SHANK2: variants seen among roughly 807,000 people sequenced by gnomAD.
SHANK2 encodes SH3 and multiple ankyrin repeat domains protein 2.
A neutral mutation model predicts 133.7 loss-of-function variants in SHANK2; 43 were observed. That is an observed-to-expected ratio of 0.32 (90% confidence interval 0.25 to 0.41). The LOEUF is 0.41. Ranked by LOEUF, SHANK2 falls within the 10% of genes least tolerant of loss-of-function variation. The pLI, the probability that SHANK2 is intolerant of heterozygous loss-of-function variation, is 1.00. For missense variants in SHANK2, 1,994 were observed against 2,235.8 expected, an observed-to-expected ratio of 0.89 and a Z score of 2.18; for synonymous variants, 1,017 against 952.8, an observed-to-expected ratio of 1.07 and a Z score of -1.24.
intron 10 of SHANK2, among the ~76,000 whole-genome samples, chr11:70,928,866 C>T (rs1950464621): frequency 6.6e-6 from 1 of 152,156 alleles, no homozygotes; most frequent in South Asian, 2.1e-4. Context: ...CAGGAAGATG[C>T]ACACACTGAA....
rs369511947 is a variant in SHANK2, at chr11:70,914,908, A to AG, written c.1108-18342_1108-18341insC. Among the ~76,000 whole-genome samples the AG allele has an allele frequency of 3.7e-3, 558 of 150,860 alleles. 4 individuals carry two copies. Among genetic ancestry groups the AG allele is most frequent in the African/African-American group, 0.013 (520 of 41,296 alleles). On this transcript the variant is annotated intron_variant, in intron 10 of 25. Transcript: ENST00000601538. ...GCGAGACTCTGTCTTAAAAAAAAAA[A>AG]AAAGAAAGAAAGAAAAAAAAAAGGA...
At chr11:70,595,293 G>C (rs1371303763) in intron 17 of SHANK2, among the ~76,000 whole-genome samples, 1 of 152,212 alleles carries the variant, frequency 6.6e-6, no homozygotes, top group Non-Finnish European at 1.5e-5. Context: ...CCCGGTGCCA[G>C]TGCCACCCTC....
chr11:70,692,885 G>A (rs1945319101), intron 15 of SHANK2, among the ~76,000 whole-genome samples: 1 of 152,178 alleles, frequency 6.6e-6, no homozygotes, highest in Non-Finnish European at 1.5e-5. Context: ...TTCTCTAAGG[G>A]AGAACAAAAA....
chr11:70,509,584 C>G (rs1247350690), intron 17 of SHANK2, among the ~76,000 whole-genome samples: 2 of 152,144 alleles, frequency 1.3e-5, no homozygotes, highest in African/African-American at 4.8e-5. Flanking sequence ...CTCACCCTGT[C>G]TTTCAGCTCT....
intron 15 of SHANK2, among the ~76,000 whole-genome samples, chr11:70,677,520 A>C (rs1555017480): frequency 6.6e-6 from 1 of 152,152 alleles, no homozygotes; most frequent in African/African-American, 2.4e-5. Context: ...ACCCTTGGCC[A>C]CAGCATGGGG....
chr11:70,846,613 C>G lies in SHANK2; in HGVS notation c.1175-25931G>C, dbSNP rs76164273. ...GGAAGCACAGGTCAACTGCTGGTGT[C>G]CCAAGCCCTGCTCTCAGCACTCCAC... On this transcript the variant is annotated intron_variant, in intron 11 of 25. Coordinates refer to ENST00000601538, the MANE Select transcript of SHANK2 (RefSeq NM_012309.5). Among the ~76,000 whole-genome samples, 1,162 of 152,258 alleles carry G rather than the reference C, an allele frequency of 7.6e-3. 15 individuals carry two copies. Among genetic ancestry groups the G allele is most frequent in the African/African-American group, 0.026 (1,100 of 41,530 alleles).
intron 17 of SHANK2, among the ~76,000 whole-genome samples, chr11:70,601,995 A>T: frequency 6.6e-6 from 1 of 152,230 alleles, no homozygotes; most frequent in East Asian, 1.9e-4. Flanking sequence ...CTAATTCCCA[A>T]TGTTGGAGGT....
chr11:71,119,578 C>CAA (rs55759811), intron 3 of SHANK2, among the ~76,000 whole-genome samples: 15,733 of 134,258 alleles, frequency 0.12, 983 homozygotes, highest in Middle Eastern at 0.17. Context: ...GACTCCATCT[C>CAA]AAAAAAAAAA....
At chr11:70,912,633 G>A (rs145724388) in intron 10 of SHANK2, among the ~76,000 whole-genome samples, 2 of 152,266 alleles carry the variant, frequency 1.3e-5, no homozygotes, top group Non-Finnish European at 2.9e-5. Context: ...GATGCATCGT[G>A]CACCACGATG....
chr11:70,599,885 AAGAAAAAGAAAGAAAGAAAG>A lies in SHANK2; in HGVS notation c.2061+59923_2061+59942del, dbSNP rs1279241193. ...ATAAAAAGAAAGAAAGAAAGAAAGA[AAGAAAAAGAAAGAAAGAAAG>A]AGAAAGAAAGAAAGAAAGAAAGAAA... On this transcript the variant is annotated intron_variant, in intron 17 of 25. Coordinates refer to ENST00000601538, the MANE Select transcript of SHANK2 (RefSeq NM_012309.5). Among the ~76,000 whole-genome samples the A allele has an allele frequency of 7.2e-4, 70 of 96,602 alleles. 3 individuals carry two copies. Among genetic ancestry groups the A allele is most frequent in the Non-Finnish European group, 1.0e-3 (51 of 49,046 alleles). The allele number at this position is 96,602 out of a possible 152,430, so 63.4% of individuals were successfully genotyped here. A position where few individuals can be genotyped will look rare whatever the true frequency, so the allele number is the denominator to read the frequency against.
intron 1 of SHANK2, among the ~76,000 whole-genome samples, chr11:71,248,090 G>A (rs1308440736): frequency 1.3e-5 from 2 of 152,212 alleles, no homozygotes; most frequent in Non-Finnish European, 2.9e-5. Context: ...CCTAAACCCA[G>A]GGCAGGCTCT....
chr11:70,686,201 T>C (rs1450350697), intron 15 of SHANK2, among the ~76,000 whole-genome samples: 28 of 113,946 alleles, frequency 2.5e-4, no homozygotes, highest in Non-Finnish European at 4.2e-4. Flanking sequence ...CACCCATCCA[T>C]CTATCCATCC....
At chr11:70,655,573 AT>A (rs1710330455) in intron 17 of SHANK2, among the ~76,000 whole-genome samples, 1 of 152,220 alleles carries the variant, frequency 6.6e-6, no homozygotes, top group African/African-American at 2.4e-5. Flanking sequence ...TTCTTGGGAC[AT>A]TTGTTGCAAA....
At chr11:70,587,850 G>A (rs2060274839) in intron 17 of SHANK2, among the ~76,000 whole-genome samples, 1 of 152,134 alleles carries the variant, frequency 6.6e-6, no homozygotes, top group East Asian at 1.9e-4. Context: ...GATTCTGGGT[G>A]TGAGCCACTG....
intron 10 of SHANK2, among the ~76,000 whole-genome samples, chr11:71,056,153 G>A (rs1950916495): frequency 6.6e-6 from 1 of 152,172 alleles, no homozygotes. Context: ...CTGGATGGAG[G>A]GGCGGCAGAG....
chr11:70,635,402 T>C (rs1794086), intron 17 of SHANK2: 84,633 of 152,044 alleles, frequency 0.56, 23,889 homozygotes, highest in Middle Eastern at 0.67. Context: ...GAGATTCTGA[T>C]GCATGCTACA....
At chr11:70,480,710 T>A (rs2058721620) in intron 25 of SHANK2, among the ~76,000 whole-genome samples, 4 of 152,250 alleles carry the variant, frequency 2.6e-5, no homozygotes, top group Admixed American at 2.6e-4. Flanking sequence ...TGCCCCATTC[T>A]GAGGGTCCAG....
intron 9 of SHANK2, among the ~76,000 whole-genome samples, chr11:71,070,683 T>C (rs1951131248): frequency 6.6e-6 from 1 of 152,258 alleles, no homozygotes; most frequent in Non-Finnish European, 1.5e-5. Flanking sequence ...CCCTGTTTTG[T>C]AAATAAAGTT....
chr11:70,902,663 T>G (rs578236846), intron 10 of SHANK2, among the ~76,000 whole-genome samples: 1 of 152,202 alleles, frequency 6.6e-6, no homozygotes, highest in African/African-American at 2.4e-5. Flanking sequence ...CACAGGATTT[T>G]TTTTGTGGGA....
Sources: gnomAD v4.1 joint callset for allele counts (sites outside exome capture counted in the v4.1 genomes callset) on GRCh38, gnomAD v4.1.1 for gene constraint, MANE v1.5 for transcripts, NCBI Gene and HGNC (gene_info 2026-07-23, HGNC 2026-07-21) for gene names.